The following KLHL26 variants were observed in gnomAD, a reference collection of about 807,000 sequenced individuals.
KLHL26 encodes the protein kelch like family member 26.
Under a neutral mutation model 7.1 loss-of-function variants are expected in KLHL26, and 4 were observed. The observed-to-expected ratio is 0.56, with a 90% CI of 0.28 to 1.28. The LOEUF is 1.28. KLHL26 is among the 50% of genes most tolerant of loss of function. The probability of loss-of-function intolerance (pLI) is 0.11; values close to 1 mark genes in which losing one functional copy is unlikely to be tolerated. For missense variants in KLHL26, 896 were observed against 924.6 expected (o/e 0.97, Z 0.40); for synonymous variants, 465 against 414.1 (o/e 1.12, Z -1.49).
intron 2 of KLHL26, chr19:18,667,342 GTTTT>G: frequency 2.3e-6 from 1 of 429,622 alleles, no homozygotes. Context: ...GCCTTTGCAT[GTTTT>G]TGTTTGTTTG....
In KLHL26 at chr19:18,649,799, C is replaced by T. The variant is rs1449908215; in HGVS notation, c.83+12662C>T. Among the ~76,000 whole-genome samples, 3 of 152,166 alleles carry T rather than the reference C, an allele frequency of 2.0e-5. No homozygotes were observed. Among genetic ancestry groups the T allele is most frequent in the Admixed American group, 6.5e-5 (1 of 15,284 alleles). ...TTCCACATGTCTCTCCGGAGAGGGC[C>T]GCACAGAATTCACAGGACTCGTCTC... is the stretch of plus-strand genomic sequence containing the variant. On this transcript the variant is annotated intron_variant, in intron 1 of 2. Coordinates refer to ENST00000300976, the MANE Select transcript of KLHL26 (RefSeq NM_018316.3). This position sits in a 1 kb window ranked among gnomAD's most constrained non-coding sequence, Gnocchi z 4.0.
rs138816675 is a variant in KLHL26, at chr19:18,669,206, C to T, written c.1809C>T (p.Cys603=). ...HFPESFAGIA[C]APVLLPRAGT... is the part of the protein sequence containing the mutation. Reference sequence around the variant, plus strand: ...CGGAGTCCTTCGCAGGCATAGCCTGCGCCCCCGTCCTGCTGCCCCGGGCCG... The same window carrying T: ...CGGAGTCCTTCGCAGGCATAGCCTGTGCCCCCGTCCTGCTGCCCCGGGCCG... Residue 603 remains cysteine (C), a synonymous_variant, in exon 3 of 3, where the codon TGC becomes TGT. Coordinates refer to ENST00000300976, the MANE Select transcript of KLHL26 (RefSeq NM_018316.3). 85 of 1,611,872 alleles carry T rather than the reference C, an allele frequency of 5.3e-5. No homozygotes were observed. The African/African-American group carries it at 7.5e-4, about 14-fold the overall frequency.
rs77936647 is a variant in KLHL26, at chr19:18,649,718, C to T, written c.83+12581C>T. Among the ~76,000 whole-genome samples, 806 of 152,330 alleles carry T rather than the reference C, an allele frequency of 5.3e-3. 6 individuals are homozygous for T. The highest frequency in any genetic ancestry group is 9.2e-3 in the Non-Finnish European group (628 of 68,028). On this transcript the variant is annotated intron_variant, in intron 1 of 2. Coordinates refer to ENST00000300976, the MANE Select transcript of KLHL26 (RefSeq NM_018316.3). This position sits in a 1 kb window ranked among gnomAD's most constrained non-coding sequence, Gnocchi z 4.0. ...CGCTCTGCAGCTGTGCGGACCAGCT[C>T]TCTTAACACTTGTTAACCCCAGCCT... is the stretch of plus-strand genomic sequence containing the variant.
Position 18,650,778 on chromosome 19 carries a change from G to T in KLHL26, c.84-13483G>T, listed in dbSNP as rs189667036. 7.3e-3 allele frequency among the ~76,000 whole-genome samples: 1,118 copies of T among 152,304 alleles called. 28 individuals carry two copies. The highest frequency in any genetic ancestry group is 0.043 in the Admixed American group (665 of 15,294). On this transcript the variant is annotated intron_variant, in intron 1 of 2. Coordinates refer to ENST00000300976, the MANE Select transcript of KLHL26 (RefSeq NM_018316.3). The surrounding 1 kb of genome is among the most constrained non-coding windows in gnomAD (Gnocchi z 4.2). Reference sequence around the variant, plus strand: ...GCGGGCAGCTTGCTGACCTTTTCTGGGAGTCGTGGCGGACGGAGTGGAGCC... The same window carrying T: ...GCGGGCAGCTTGCTGACCTTTTCTGTGAGTCGTGGCGGACGGAGTGGAGCC...
Position 18,667,790 on chromosome 19 carries a change from C to G in KLHL26, c.393C>G (p.Asp131Glu), listed in dbSNP as rs563521400. 6.2e-7 allele frequency: 1 copy of G among 1,613,346 alleles called. No individual in the cohort carries two copies. The highest frequency in any genetic ancestry group is 8.5e-7 in the Non-Finnish European group (1 of 1,180,016). The change falls in exon 3 of 3, where the codon GAC becomes GAG. Residue 131 changes from aspartate to glutamate, a missense_variant. Physicochemically the swap from Asp to Glu is conservative, Grantham distance 45. Coordinates refer to ENST00000300976, the MANE Select transcript of KLHL26 (RefSeq NM_018316.3). ...AYSAEVTLDL[D>E]CVQDVLGAAV... Reference sequence around the variant, plus strand: ...GCGCCGAGGTGACACTGGACCTGGACTGCGTGCAGGACGTGCTGGGCGCGG... The same window carrying G: ...GCGCCGAGGTGACACTGGACCTGGAGTGCGTGCAGGACGTGCTGGGCGCGG...
In KLHL26 at chr19:18,656,746, G is replaced by T. The variant is rs966115887; in HGVS notation, c.84-7515G>T. 7.2e-5 allele frequency among the ~76,000 whole-genome samples: 11 copies of T among 151,764 alleles called. No homozygotes were observed. The highest frequency in any genetic ancestry group is 1.3e-4 in the Non-Finnish European group (9 of 67,894). On this transcript the variant is annotated intron_variant, in intron 1 of 2. Transcript: ENST00000300976. This position sits in a 1 kb window ranked among gnomAD's most constrained non-coding sequence, Gnocchi z 4.4. ...TTGAGGGTGGGTGGGTGGGGAGGCC[G>T]CGAGGTTAGGGTGGCTCTGACCCTG...
intron 1 of KLHL26, among the ~76,000 whole-genome samples, chr19:18,641,372 G>A (rs1322122691): frequency 3.5e-5 from 5 of 143,928 alleles, no homozygotes; most frequent in Non-Finnish European, 6.0e-5. Context: ...AGGCTGGAGT[G>A]CAGTGGTGCG....
Position 18,669,433 on chromosome 19 carries a change from G to C in KLHL26, c.*188G>C. On this transcript the variant is annotated 3_prime_UTR_variant, in exon 3 of 3. Coordinates refer to ENST00000300976, the MANE Select transcript of KLHL26 (RefSeq NM_018316.3). ...CCTTCCCAAAGCAGATCCTGGCTGC[G>C]AGTCCATCCGAGGGAGCCTGCCGGC... is the stretch of plus-strand genomic sequence containing the variant. 1.7e-6 allele frequency: 1 copy of C among 594,324 alleles called. No homozygotes were observed. The highest frequency in any genetic ancestry group is 3.0e-6 in the Non-Finnish European group (1 of 335,692). 36.8% of individuals were successfully genotyped at this position (594,324 alleles called of 1,614,324 possible).
At position 18,650,197 on chromosome 19, in the gene KLHL26, G is replaced by T. The variant is rs1976880838; in HGVS notation, c.83+13060G>T. ...TCAAAGACGGACCCGGGCGGGAGCG[G>T]TCTGGGCTGGATATCCGGAGAGTTC... On this transcript the variant is annotated intron_variant, in intron 1 of 2. Transcript: ENST00000300976. The surrounding 1 kb of genome is among the most constrained non-coding windows in gnomAD (Gnocchi z 4.2). 6.6e-6 allele frequency among the ~76,000 whole-genome samples: 1 copy of T among 151,856 alleles called. No homozygotes were observed. The highest frequency in any genetic ancestry group is 1.5e-5 in the Non-Finnish European group (1 of 67,786).
At chr19:18,641,754 G>A (rs761536631) in intron 1 of KLHL26, among the ~76,000 whole-genome samples, 8 of 150,198 alleles carry the variant, frequency 5.3e-5, no homozygotes, top group South Asian at 2.1e-4. Context: ...CCAGCCTCCC[G>A]AGTAGCTGGG....
chr19:18,666,461 C>G (rs1303014049), intron 2 of KLHL26, among the ~76,000 whole-genome samples: 2 of 152,210 alleles, frequency 1.3e-5, no homozygotes, highest in East Asian at 3.8e-4. Flanking sequence ...TCCCCTGGAG[C>G]TGGGGTGCTC....
rs999955918 is a variant in KLHL26 at position 18,646,506 on chromosome 19, G to A, written c.83+9369G>A. On this transcript the variant is annotated intron_variant, in intron 1 of 2. Coordinates refer to ENST00000300976, the MANE Select transcript of KLHL26 (RefSeq NM_018316.3). The surrounding 1 kb of genome is among the most constrained non-coding windows in gnomAD (Gnocchi z 5.0). The stretch of plus-strand genomic sequence containing the variant: ...CCTGGAAAATGTGGTCAGATATGGC[G>A]GCATGAGGTGTCTCATCATACCCAT... 2.6e-5 allele frequency among the ~76,000 whole-genome samples: 4 copies of A among 152,214 alleles called. No individual in the cohort carries two copies. The highest frequency in any genetic ancestry group is 9.6e-5 in the African/African-American group (4 of 41,454).
rs1439431884 is a variant in KLHL26, at chr19:18,659,048, A to G, written c.84-5213A>G. Among the ~76,000 whole-genome samples, 4 of 149,320 alleles carry G rather than the reference A, an allele frequency of 2.7e-5. No individual in the cohort carries two copies. In the East Asian group the frequency reaches 5.9e-4, roughly 22 times the overall value. ...TCCCCTCTGGGTCTCTGTACCCTCT[A>G]AGTCTCTGTCCCTTTATCTCTGAAT... is the stretch of plus-strand genomic sequence containing the variant. On this transcript the variant is annotated intron_variant, in intron 1 of 2. Coordinates refer to ENST00000300976, the MANE Select transcript of KLHL26 (RefSeq NM_018316.3).
chr19:18,665,865 G>A (rs2052442671), intron 2 of KLHL26, among the ~76,000 whole-genome samples: 1 of 152,186 alleles, frequency 6.6e-6, no homozygotes, highest in Non-Finnish European at 1.5e-5. Flanking sequence ...GCCCAGGTGT[G>A]CCGCTCAGCC....
At chr19:18,667,613 C>T in intron 2 of KLHL26, 51 bp from the exon 3 acceptor site, 1 of 1,567,394 alleles carries the variant, frequency 6.4e-7, no homozygotes, top group Non-Finnish European at 8.7e-7. Context: ...CCTGGCTGGC[C>T]AAAACACCCC....
chr19:18,639,403 G>GTTTTCTT lies in KLHL26; in HGVS notation c.83+2270_83+2271insCTTTTTT, dbSNP rs754775329. On this transcript the variant is annotated intron_variant, in intron 1 of 2. Coordinates refer to ENST00000300976, the MANE Select transcript of KLHL26 (RefSeq NM_018316.3). ...TTCACTCATTTTAATTTATCATTAA[G>GTTTTCTT]TTTTTTTTTTTTTTTTTTTTTTTTT... Among the ~76,000 whole-genome samples, 369 of 71,242 alleles carry GTTTTCTT rather than the reference G, an allele frequency of 5.2e-3. 8 individuals are homozygous for GTTTTCTT. The highest frequency in any genetic ancestry group is 0.026 in the Admixed American group (157 of 6,030). The allele number at this position is 71,242 out of a possible 152,430, so 46.7% of individuals were successfully genotyped here.
At chr19:18,642,837 A>G (rs1976738882) in intron 1 of KLHL26, among the ~76,000 whole-genome samples, 1 of 146,562 alleles carries the variant, frequency 6.8e-6, no homozygotes, top group African/African-American at 2.5e-5. Context: ...TAACACACCT[A>G]ATTTTTTTTT....
At chr19:18,664,585 TC>T in intron 2 of KLHL26, 142 bp downstream of exon 2, 8 of 581,876 alleles carry the variant, frequency 1.4e-5, no homozygotes, top group East Asian at 9.5e-5. Context: ...TACCGGCTGC[TC>T]TTTTTTTTTT....
intron 1 of KLHL26, among the ~76,000 whole-genome samples, chr19:18,653,240 C>T (rs1180899248): frequency 6.6e-6 from 1 of 151,944 alleles, no homozygotes; most frequent in Non-Finnish European, 1.5e-5. Flanking sequence ...TCCATCTATC[C>T]ACCCACCCTT....
Sources: gnomAD v4.1 joint callset for allele counts (sites outside exome capture counted in the v4.1 genomes callset) on GRCh38, gnomAD v4.1.1 for gene constraint, Gnocchi (gnomAD v3.1) non-coding constraint, MANE v1.5 for transcripts, NCBI Gene and HGNC (gene_info 2026-07-23, HGNC 2026-07-21) for gene names.